MYL1: variants seen among roughly 807,000 people sequenced by gnomAD.
MYL1 encodes myosin light chain 1.
A neutral mutation model predicts 21.8 loss-of-function variants in MYL1; 16 were observed. The ratio of observed to expected loss-of-function variants is 0.74; its 90% confidence interval spans 0.50 to 1.12. The LOEUF is 1.12. MYL1 is among the 50% of genes most tolerant of loss of function. The pLI is 0.00. For synonymous variants in MYL1, 99 were observed against 85.2 expected, an observed-to-expected ratio of 1.16 and a Z score of -0.89; for missense variants, 246 against 241.0, an observed-to-expected ratio of 1.02 and a Z score of -0.14.
At chr2:210,292,701 C>A (rs913322822) in intron 5 of MYL1, among the ~76,000 whole-genome samples, 1 of 152,058 alleles carries the variant, frequency 6.6e-6, no homozygotes, top group Non-Finnish European at 1.5e-5. Flanking sequence ...CGTAACCACT[C>A]CAAAGTTATA....
intron 5 of MYL1, 67 bp downstream of exon 5, chr2:210,293,655 CA>C: frequency 7.5e-7 from 1 of 1,339,996 alleles, no homozygotes; most frequent in Non-Finnish European, 1.1e-6. Flanking sequence ...AAAAGAAGCT[CA>C]AAAGGAGCCC....
chr2:210,296,991 TTGTGTGTGTGTGTG>T (rs36073440), intron 3 of MYL1, among the ~76,000 whole-genome samples: 3 of 143,232 alleles, frequency 2.1e-5, no homozygotes, highest in Non-Finnish European at 1.5e-5. Context: ...TAGTATTCCA[TTGTGTGTGTGTGTG>T]TGTGTGTGTG....
intron 1 of MYL1, among the ~76,000 whole-genome samples, chr2:210,307,651 G>A (rs1029373694): frequency 6.6e-6 from 1 of 151,984 alleles, no homozygotes; most frequent in East Asian, 1.9e-4. Context: ...TACATTCCAC[G>A]TTTTTATGAT....
At chr2:210,297,035 A>G (rs1324323305) in intron 3 of MYL1, among the ~76,000 whole-genome samples, 1 of 148,844 alleles carries the variant, frequency 6.7e-6, no homozygotes, top group Non-Finnish European at 1.5e-5. Context: ...ATATATATAT[A>G]TACATATATA....
In MYL1 at chr2:210,298,415, G is replaced by C. The variant is rs763513928; in HGVS notation, c.304+5C>G. 5.0e-6 allele frequency: 8 copies of C among 1,612,344 alleles called. No homozygotes were observed. In the South Asian group the frequency reaches 8.8e-5, roughly 18 times the overall value. ...CCACACTTCTTGGAAAAATTGATGGGTTACCTTCATTGCTGGGGTTTCCCA... is the reference window on the plus strand; with the variant it reads ...CCACACTTCTTGGAAAAATTGATGGCTTACCTTCATTGCTGGGGTTTCCCA... On this transcript the variant is annotated splice_donor_5th_base_variant and intron_variant, in intron 3 of 6. Coordinates refer to ENST00000352451, the MANE Select transcript of MYL1 (RefSeq NM_079420.3).
chr2:210,298,367 C>CACACACT, intron 3 of MYL1, 53 bp downstream of exon 3: 1 of 1,553,036 alleles, frequency 6.4e-7, no homozygotes, highest in Non-Finnish European at 8.9e-7. Flanking sequence ...CACACACACA[C>CACACACT]TGCTACACAC....
At chr2:210,293,445 C>T (rs1207895190) in intron 5 of MYL1, among the ~76,000 whole-genome samples, 1 of 152,182 alleles carries the variant, frequency 6.6e-6, no homozygotes, top group Non-Finnish European at 1.5e-5. Context: ...TTGATTCTGA[C>T]ATCAGCCCTG....
rs199528600 is a variant in MYL1 at position 210,315,008 on chromosome 2, G to A, written c.35C>T (p.Ala12Val). ...CGGGGCTGGGGCAGCCGCAGCCGCA[G>A]CCACAGGTTTCTTCACGTCTTTCTT... Reference protein sequence around the residue: ...APKKDVKKPVAAAAAAPAPAP... With the variant: ...APKKDVKKPVVAAAAAPAPAP... The change falls in exon 1 of 7, where the codon GCT becomes GTT. Residue 12 changes from alanine (A) to valine (V), a missense_variant. Transcript: ENST00000352451. 83 of 1,605,452 alleles carry A rather than the reference G, an allele frequency of 5.2e-5. No individual in the cohort carries two copies. The Admixed American group carries it at 1.4e-3, about 28-fold the overall frequency.
At chr2:210,302,671 T>C (rs1259809050) in intron 1 of MYL1, 156 bp from the exon 2 acceptor site, 1 of 1,519,592 alleles carries the variant, frequency 6.6e-7, no homozygotes, top group Admixed American at 2.0e-5. Context: ...CACTAACAGG[T>C]TAAGCCATAG....
chr2:210,307,723 A>T (rs1007960930), intron 1 of MYL1, among the ~76,000 whole-genome samples: 2 of 152,176 alleles, frequency 1.3e-5, no homozygotes, highest in African/African-American at 2.4e-5. Flanking sequence ...GCTACTAAAA[A>T]TTTTTTATTA....
At chr2:210,305,044 G>A (rs1690319311) in intron 1 of MYL1, among the ~76,000 whole-genome samples, 1 of 152,172 alleles carries the variant, frequency 6.6e-6, no homozygotes, top group Non-Finnish European at 1.5e-5. Flanking sequence ...CAGGCATAAT[G>A]TATATTGGAG....
intron 1 of MYL1, among the ~76,000 whole-genome samples, chr2:210,305,556 G>T (rs1415330812): frequency 6.6e-6 from 1 of 151,910 alleles, no homozygotes; most frequent in Non-Finnish European, 1.5e-5. Flanking sequence ...TATTAAATTT[G>T]AATCATCTTA....
intron 1 of MYL1, among the ~76,000 whole-genome samples, chr2:210,303,146 TA>T (rs1299050340): frequency 2.0e-5 from 3 of 152,160 alleles, no homozygotes. Flanking sequence ...AACCAGTGCT[TA>T]AAAAAATAGT....
At position 210,298,326 on chromosome 2, in the gene MYL1, CACACACACATACT is replaced by C; in HGVS notation, c.304+81_304+93del. 3.7e-6 allele frequency: 5 copies of C among 1,369,260 alleles called. No individual in the cohort carries two copies. The East Asian group carries it at 9.9e-5, about 27-fold the overall frequency. 84.8% of individuals were successfully genotyped at this position (1,369,260 alleles called of 1,614,324 possible). ...CTCTCTCACACACACACATACTACA[CACACACACATACT>C]ACACACACACACACACACACACACA... On this transcript the variant is annotated intron_variant, in intron 3 of 6. Coordinates refer to ENST00000352451, the MANE Select transcript of MYL1 (RefSeq NM_079420.3).
chr2:210,290,953 A>T (rs1690065708), intron 6 of MYL1, 79 bp downstream of exon 6: 1 of 852,534 alleles, frequency 1.2e-6, no homozygotes, highest in Non-Finnish European at 1.9e-6. Context: ...AATCTATAGC[A>T]TATAAACTGA....
intron 1 of MYL1, among the ~76,000 whole-genome samples, chr2:210,305,186 T>A (rs1690320885): frequency 6.6e-6 from 1 of 152,182 alleles, no homozygotes; most frequent in Non-Finnish European, 1.5e-5. Flanking sequence ...GAAATCAGCA[T>A]TTAATATGCA....
intron 3 of MYL1, 81 bp downstream of exon 3, chr2:210,298,339 T>TACACACACACACACACACAC: frequency 8.4e-7 from 1 of 1,186,986 alleles, no homozygotes; most frequent in Non-Finnish European, 1.2e-6. Flanking sequence ...ACACACATAC[T>TACACACACACACACACACAC]ACACACACAC....
At chr2:210,297,918 C>G (rs569747591) in intron 3 of MYL1, among the ~76,000 whole-genome samples, 37 of 152,106 alleles carry the variant, frequency 2.4e-4, no homozygotes, top group African/African-American at 8.7e-4. Context: ...CAGAGGAGAA[C>G]TTCTCTAGAA....
At chr2:210,291,138 G>C (rs1271106522) in intron 5 of MYL1, 64 bp from the exon 6 acceptor site, 1 of 1,359,394 alleles carries the variant, frequency 7.4e-7, no homozygotes, top group Non-Finnish European at 1.0e-6. Flanking sequence ...TTTAATAAAA[G>C]AGAGGTTTAA....
Sources: gnomAD v4.1 joint callset for allele counts (sites outside exome capture counted in the v4.1 genomes callset) on GRCh38, gnomAD v4.1.1 for gene constraint, MANE v1.5 for transcripts, NCBI Gene and HGNC (gene_info 2026-07-23, HGNC 2026-07-21) for gene names.